NRXN1: variants seen among roughly 807,000 people sequenced by gnomAD.
NRXN1 encodes the protein neurexin 1.
In NRXN1, 39 loss-of-function variants were observed where a neutral mutation model predicts 150.9. The ratio of observed to expected loss-of-function variants is 0.26; its 90% confidence interval spans 0.20 to 0.34. NRXN1 has a LOEUF of 0.34. Among genes scored for constraint, NRXN1 ranks in the 10% least tolerant of loss-of-function variants. NRXN1 has a pLI of 1.00. For missense variants in NRXN1, 1,815 were observed against 1,949.9 expected, an observed-to-expected ratio of 0.93 and a Z score of 1.30; for synonymous variants, 924 against 757.0, an observed-to-expected ratio of 1.22 and a Z score of -3.62.
chr2:50,439,525 G>C (rs1241380422), intron 17 of NRXN1, among the ~76,000 whole-genome samples: 1 of 152,122 alleles, frequency 6.6e-6, no homozygotes, highest in Non-Finnish European at 1.5e-5. Context: ...TTCTAAAAAA[G>C]GCCGGGCGCG....
At chr2:50,194,169 C>A (rs1463578244) in intron 18 of NRXN1, among the ~76,000 whole-genome samples, 2 of 152,108 alleles carry the variant, frequency 1.3e-5, no homozygotes. Flanking sequence ...AGAAATTTAT[C>A]TGAATATGGA....
chr2:50,109,231 C>G (rs1162343902), intron 18 of NRXN1, among the ~76,000 whole-genome samples: 6 of 152,096 alleles, frequency 3.9e-5, no homozygotes, highest in African/African-American at 1.4e-4. Flanking sequence ...ATTTTTGTCT[C>G]TAACTATATT....
chr2:50,834,555 T>C (rs1671843275), intron 5 of NRXN1, among the ~76,000 whole-genome samples: 1 of 152,190 alleles, frequency 6.6e-6, no homozygotes, highest in African/African-American at 2.4e-5. Flanking sequence ...ATAATGATTT[T>C]GAATTGAGAT....
At chr2:50,659,149 G>A (rs1224839363) in intron 5 of NRXN1, among the ~76,000 whole-genome samples, 1 of 151,976 alleles carries the variant, frequency 6.6e-6, no homozygotes, top group East Asian at 1.9e-4. Flanking sequence ...CATCAAGTAG[G>A]GAGGATGCTG....
At chr2:50,359,928 C>A (rs2079072000) in intron 17 of NRXN1, among the ~76,000 whole-genome samples, 1 of 152,154 alleles carries the variant, frequency 6.6e-6, no homozygotes, top group African/African-American at 2.4e-5. Flanking sequence ...ACCCTCCAAG[C>A]CAGAAGAGAG....
intron 8 of NRXN1, among the ~76,000 whole-genome samples, chr2:50,569,482 A>G (rs1223843018): frequency 3.3e-5 from 5 of 152,068 alleles, no homozygotes; most frequent in African/African-American, 9.7e-5. Flanking sequence ...TCTGCCATAA[A>G]TTTTACAGAA....
At chr2:49,950,904 G>A (rs1673830725) in intron 21 of NRXN1, among the ~76,000 whole-genome samples, 2 of 151,894 alleles carry the variant, frequency 1.3e-5, no homozygotes, top group Admixed American at 1.3e-4. Context: ...TTTCCCAATT[G>A]ATGCCCTAGG....
chr2:50,449,398 C>T (rs1310998486), intron 17 of NRXN1, among the ~76,000 whole-genome samples: 1 of 152,182 alleles, frequency 6.6e-6, no homozygotes, highest in Non-Finnish European at 1.5e-5. Context: ...GAAGTCTTCC[C>T]TCATTTCCTT....
chr2:50,767,045 A>T (rs1702463177), intron 5 of NRXN1, among the ~76,000 whole-genome samples: 1 of 152,064 alleles, frequency 6.6e-6, no homozygotes, highest in African/African-American at 2.4e-5. Flanking sequence ...TAACTTGAGA[A>T]TTTCGGCAAA....
intron 8 of NRXN1, among the ~76,000 whole-genome samples, chr2:50,573,950 A>G (rs1371245709): frequency 6.6e-6 from 1 of 152,114 alleles, no homozygotes; most frequent in Non-Finnish European, 1.5e-5. Flanking sequence ...AAATTTTGCC[A>G]TGTGGATGAG....
intron 5 of NRXN1, among the ~76,000 whole-genome samples, chr2:50,852,259 G>T (rs541004926): frequency 7.4e-4 from 113 of 152,184 alleles, no homozygotes; most frequent in Admixed American, 2.6e-3. Flanking sequence ...GTTCTAGAAT[G>T]TTATACATGG....
At chr2:50,696,332 A>G (rs1692861091) in intron 5 of NRXN1, 1 of 152,614 alleles carries the variant, frequency 6.6e-6, no homozygotes, top group South Asian at 2.1e-4. Flanking sequence ...TTCTTCACAC[A>G]GATAGCTGAC....
intron 12 of NRXN1, among the ~76,000 whole-genome samples, chr2:50,521,831 C>T (rs1279487717): frequency 6.6e-6 from 1 of 152,102 alleles, no homozygotes; most frequent in Non-Finnish European, 1.5e-5. Context: ...TTTGGATCAC[C>T]AGTGGATCCA....
At chr2:50,991,528 G>A (rs1331477010) in intron 2 of NRXN1, among the ~76,000 whole-genome samples, 2 of 151,956 alleles carry the variant, frequency 1.3e-5, no homozygotes, top group Non-Finnish European at 2.9e-5. Flanking sequence ...CAACAGTTCA[G>A]GTTGCCTTTC....
rs138299708 is a variant in NRXN1 at position 50,941,531 on chromosome 2, C to G, written c.773-15576G>C. 5.3e-3 allele frequency among the ~76,000 whole-genome samples: 803 copies of G among 152,270 alleles called. 8 individuals are homozygous for G. Among genetic ancestry groups the G allele is most frequent in the African/African-American group, 0.019 (784 of 41,558 alleles). On this transcript the variant is annotated intron_variant, in intron 2 of 22. Transcript: ENST00000401669. ...ATGAAGATGAAGAACCTCTTGGGAA[C>G]TGGAGTAAAGGTCACTCTTGCTATG...
intron 5 of NRXN1, among the ~76,000 whole-genome samples, chr2:50,731,969 G>T (rs1026272033): frequency 6.6e-6 from 1 of 152,128 alleles, no homozygotes; most frequent in African/African-American, 2.4e-5. Flanking sequence ...TATTTGAAAT[G>T]TGTGCCTTCA....
At chr2:50,180,085 A>T (rs2060604960) in intron 18 of NRXN1, among the ~76,000 whole-genome samples, 2 of 152,044 alleles carry the variant, frequency 1.3e-5, no homozygotes, top group Non-Finnish European at 2.9e-5. Context: ...GCAGTGGTTC[A>T]ATCAGACCTC....
At chr2:50,822,782 G>A (rs1218133332) in intron 5 of NRXN1, among the ~76,000 whole-genome samples, 1 of 152,066 alleles carries the variant, frequency 6.6e-6, no homozygotes, top group East Asian at 1.9e-4. Context: ...GCTTAATTAT[G>A]AAAATAATAA....
At chr2:50,880,179 C>T (rs1679216897) in intron 5 of NRXN1, among the ~76,000 whole-genome samples, 1 of 151,628 alleles carries the variant, frequency 6.6e-6, no homozygotes, top group Non-Finnish European at 1.5e-5. Flanking sequence ...GAAGTTATCC[C>T]CAAGAGAAAA....
Sources: gnomAD v4.1 joint callset for allele counts (sites outside exome capture counted in the v4.1 genomes callset) on GRCh38, gnomAD v4.1.1 for gene constraint, MANE v1.5 for transcripts, NCBI Gene and HGNC (gene_info 2026-07-23, HGNC 2026-07-21) for gene names.